The following TNRC18 variants were observed in gnomAD, a reference collection of about 807,000 sequenced individuals.
The protein encoded by TNRC18 is trinucleotide repeat containing 18.
A neutral mutation model predicts 226.7 loss-of-function variants in TNRC18; 69 were observed. That is an observed-to-expected ratio of 0.30 (90% CI 0.25 to 0.37). TNRC18 has a LOEUF of 0.37. Among genes scored for constraint, TNRC18 ranks in the 10% least tolerant of loss-of-function variants. The pLI, the probability that TNRC18 is intolerant of heterozygous loss-of-function variation, is 1.00. For missense variants in TNRC18, 4,754 were observed against 4,256.6 expected (o/e 1.12, Z -3.25); for synonymous variants, 2,449 against 1,927.6 (o/e 1.27, Z -7.09).
intron 2 of TNRC18, among the ~76,000 whole-genome samples, chr7:5,419,665 C>T (rs1782420759): frequency 6.6e-6 from 1 of 152,044 alleles, no homozygotes; most frequent in African/African-American, 2.4e-5. Context: ...TCCGGAGGGA[C>T]ACAAGCAGGT....
chr7:5,354,874 A>G (rs1475096948), intron 16 of TNRC18, among the ~76,000 whole-genome samples: 11 of 152,176 alleles, frequency 7.2e-5, no homozygotes, highest in Non-Finnish European at 1.6e-4. Context: ...CTGAGTCCAT[A>G]AACACTTTTT....
At chr7:5,335,771 A>G (rs34547931) in intron 18 of TNRC18, among the ~76,000 whole-genome samples, 1,824 of 151,500 alleles carry the variant, frequency 0.012, 17 homozygotes, top group South Asian at 0.022. Flanking sequence ...ATACCACCTA[A>G]GAAACTGGAC....
At chr7:5,389,559 ATTC>A (rs1440168643) in intron 4 of TNRC18, 5 of 385,624 alleles carry the variant, frequency 1.3e-5, no homozygotes, top group Non-Finnish European at 2.1e-5. Context: ...GGTTCAAGCG[ATTC>A]TCCTGCCTCA....
chr7:5,414,988 T>C (rs549034711), intron 2 of TNRC18, among the ~76,000 whole-genome samples: 16 of 152,336 alleles, frequency 1.1e-4, no homozygotes, highest in African/African-American at 3.4e-4. Context: ...TTGCATGCCA[T>C]TGACATTTTT....
chr7:5,325,372 A>T, intron 19 of TNRC18, 124 bp from the exon 20 acceptor site: 1 of 1,057,824 alleles, frequency 9.5e-7, no homozygotes, highest in Non-Finnish European at 1.3e-6. Flanking sequence ...CCCAGGAGGA[A>T]CAAAACACCC....
At chr7:5,335,653 GCTCT>G (rs1790027329) in intron 18 of TNRC18, among the ~76,000 whole-genome samples, 1 of 149,824 alleles carries the variant, frequency 6.7e-6, no homozygotes, top group South Asian at 2.1e-4. Flanking sequence ...AGGTCCCCAT[GCTCT>G]CTCTCTCCCC....
At chr7:5,319,670 G>A (rs748296904) in intron 24 of TNRC18, among the ~76,000 whole-genome samples, 9 of 152,092 alleles carry the variant, frequency 5.9e-5, no homozygotes, top group East Asian at 1.9e-4. Context: ...CACCACGCCC[G>A]GCTAATTTTT....
intron 11 of TNRC18, among the ~76,000 whole-genome samples, chr7:5,369,011 C>T (rs1583943310): frequency 1.3e-5 from 2 of 152,266 alleles, no homozygotes; most frequent in South Asian, 2.1e-4. Context: ...AGGTAATGAT[C>T]AGCGCAGCCC....
Position 5,388,221 on chromosome 7 carries a change from C to A in TNRC18, c.1603G>T (p.Ala535Ser), listed in dbSNP as rs751772216. 1.9e-6 allele frequency: 3 copies of A among 1,600,906 alleles called. No individual in the cohort carries two copies. Among genetic ancestry groups the A allele is most frequent in the South Asian group, 2.2e-5 (2 of 89,316 alleles). The part of the protein sequence containing the change: ...VLAAQHHHSR[A>S]EEEAAVVAAS... ...GCGACCACGGCGGCCTCCTCTTCGGCGCGGCTGTGGTGGTGCTGCGCGGCC... is the reference window on the plus strand; with the variant it reads ...GCGACCACGGCGGCCTCCTCTTCGGAGCGGCTGTGGTGGTGCTGCGCGGCC... The change falls in exon 5 of 30, where the codon GCC becomes TCC. Residue 535 changes from alanine (A) to serine (S), a missense_variant. Coordinates refer to ENST00000430969, the MANE Select transcript of TNRC18 (RefSeq NM_001080495.3).
chr7:5,357,348 C>T, intron 15 of TNRC18, 72 bp from the exon 16 acceptor site: 1 of 1,470,712 alleles, frequency 6.8e-7, no homozygotes, highest in Non-Finnish European at 9.1e-7. Flanking sequence ...TGCACATGCT[C>T]TGCCCAGCCT....
rs755764396 is a variant in TNRC18, at chr7:5,359,530, C to G, written c.4701G>C (p.Glu1567Asp). ...SKSLLTSDDY[E>D]LGAGIRKRHK... ...GTCTCTTTCTTATCCCTGCTCCCAG[C>G]TCATAATCATCTGATGTCAGCAGAG... The change falls in exon 15 of 30, where the codon GAG becomes GAC. Residue 1567 changes from glutamate (E) to aspartate (D), a missense_variant. Physicochemically the swap from Glu to Asp is conservative, Grantham distance 45 (BLOSUM62 2). Coordinates refer to ENST00000430969, the MANE Select transcript of TNRC18 (RefSeq NM_001080495.3). 2 of 1,614,006 alleles carry G rather than the reference C, an allele frequency of 1.2e-6. No homozygotes were observed. Among genetic ancestry groups the G allele is most frequent in the South Asian group, 1.1e-5 (1 of 91,088 alleles).
Position 5,348,572 on chromosome 7 carries a change from A to T in TNRC18, c.5471-2762T>A, listed in dbSNP as rs1791447860. 3.4e-5 allele frequency among the ~76,000 whole-genome samples: 5 copies of T among 148,026 alleles called. No homozygotes were observed. The South Asian group carries it at 1.1e-3, about 33-fold the overall frequency. On this transcript the variant is annotated intron_variant, in intron 17 of 29. Transcript: ENST00000430969. ...TTCTGTCTACTCATGTATTGGAGAC[A>T]GCCCGGATTTCTGCTGGGCCACCTC...
In TNRC18 at chr7:5,313,144, C is replaced by T; in HGVS notation, c.7747G>A (p.Gly2583Arg). ...SSSSSGSETEGEEEGDKNGDG... is the reference protein window; with the variant it reads ...SSSSSGSETEREEEGDKNGDG... ...CCGTTCTTGTCGCCTTCCTCCTCCC[C>T]TTCTGTCTCCGAGCCGCTGCTGCTG... Residue 2583 changes from glycine to arginine, a missense_variant, in exon 27 of 30, where the codon GGG becomes AGG. Gly to Arg is a moderately radical substitution (Grantham distance 125). Transcript: ENST00000430969. 1 of 1,527,174 alleles carries T rather than the reference C, an allele frequency of 6.5e-7. No individual in the cohort carries two copies. Among genetic ancestry groups the T allele is most frequent in the Non-Finnish European group, 8.8e-7 (1 of 1,132,802 alleles). The allele number at this position is 1,527,174 out of a possible 1,614,324, so 94.6% of individuals were successfully genotyped here.
chr7:5,411,371 G>A (rs1781833377), intron 2 of TNRC18, among the ~76,000 whole-genome samples: 1 of 151,766 alleles, frequency 6.6e-6, no homozygotes, highest in Non-Finnish European at 1.5e-5. Flanking sequence ...CTAGAGGGAA[G>A]GCCGTGTGTG....
rs532774135 is a variant in TNRC18 at position 5,340,465 on chromosome 7, G to A, written c.5719+5097C>T. Among the ~76,000 whole-genome samples, 9 of 152,260 alleles carry A rather than the reference G, an allele frequency of 5.9e-5. No homozygotes were observed. In the South Asian group the frequency reaches 1.4e-3, roughly 25 times the overall value. On this transcript the variant is annotated intron_variant, in intron 18 of 29. Transcript: ENST00000430969. ...AGGAAAGAAGCTATCAGTTGGGCAC[G>A]GTGGCTCACGCCTGTCATCCCAGCA...
At chr7:5,416,673 C>T (rs975577071) in intron 2 of TNRC18, among the ~76,000 whole-genome samples, 6 of 150,170 alleles carry the variant, frequency 4.0e-5, no homozygotes, top group Admixed American at 3.3e-4. Flanking sequence ...CTGGCCAACA[C>T]GGTAAAACTC....
intron 10 of TNRC18, among the ~76,000 whole-genome samples, chr7:5,373,445 A>G (rs1794345930): frequency 6.6e-6 from 1 of 152,206 alleles, no homozygotes; most frequent in Admixed American, 6.5e-5. Flanking sequence ...AGGCACACAA[A>G]AGGAAACTGA....
chr7:5,359,721 A>T (rs1792832868), intron 14 of TNRC18, among the ~76,000 whole-genome samples, 152 bp from the exon 15 acceptor site: 1 of 152,196 alleles, frequency 6.6e-6, no homozygotes, highest in Admixed American at 6.5e-5. Flanking sequence ...ATCTTGTAAA[A>T]CAACAGTGCT....
chr7:5,354,145 G>T (rs926563354), intron 16 of TNRC18, among the ~76,000 whole-genome samples: 3 of 152,088 alleles, frequency 2.0e-5, no homozygotes, highest in African/African-American at 7.2e-5. Flanking sequence ...GGAGGTCGCA[G>T]TGAGCCGAGA....
Sources: allele counts gnomAD v4.1 joint callset (sites outside exome capture counted in the v4.1 genomes callset), GRCh38; gene constraint gnomAD v4.1.1; transcripts MANE v1.5; gene names NCBI Gene and HGNC (gene_info 2026-07-23, HGNC 2026-07-21).